Variants in LUZP2 observed in about 807,000 individuals in gnomAD.
The protein encoded by LUZP2 is leucine zipper protein 2.
In LUZP2, 52 loss-of-function variants were observed where a neutral mutation model predicts 51.6. The observed-to-expected ratio is 1.01, with a 90% CI of 0.81 to 1.27. The LOEUF is 1.27. Among genes scored for constraint, LUZP2 ranks in the 50% most tolerant of loss-of-function variants. The pLI is 0.00. For missense variants in LUZP2, 436 were observed against 395.4 expected (o/e 1.10, Z -0.87); for synonymous variants, 154 against 137.3 (o/e 1.12, Z -0.85).
chr11:24,756,300 G>A (rs1259087198), intron 4 of LUZP2, among the ~76,000 whole-genome samples: 2 of 152,112 alleles, frequency 1.3e-5, no homozygotes, highest in African/African-American at 4.8e-5. Flanking sequence ...TTACACACAT[G>A]TTCTCAGGAT....
At chr11:24,972,541 T>C (rs764190908) in intron 7 of LUZP2, among the ~76,000 whole-genome samples, 3 of 152,100 alleles carry the variant, frequency 2.0e-5, no homozygotes, top group Non-Finnish European at 4.4e-5. Flanking sequence ...CCTACCATAT[T>C]TGTTTTGCTG....
intron 5 of LUZP2, among the ~76,000 whole-genome samples, chr11:24,859,723 C>T (rs1477217544): frequency 6.6e-6 from 1 of 152,192 alleles, no homozygotes; most frequent in Non-Finnish European, 1.5e-5. Flanking sequence ...GTGCGGCAGC[C>T]CACCTGCGAG....
intron 1 of LUZP2, among the ~76,000 whole-genome samples, chr11:24,679,893 C>T (rs1856676313): frequency 1.3e-5 from 2 of 152,168 alleles, no homozygotes; most frequent in Admixed American, 1.3e-4. Context: ...TCATAATATA[C>T]ACTCACTGGA....
At chr11:25,032,390 A>G (rs934655028) in intron 9 of LUZP2, among the ~76,000 whole-genome samples, 3 of 152,158 alleles carry the variant, frequency 2.0e-5, no homozygotes, top group South Asian at 4.1e-4. Flanking sequence ...CTTAATCACT[A>G]TGAGTTTCAA....
chr11:24,604,528 T>C (rs932933606), intron 1 of LUZP2, among the ~76,000 whole-genome samples: 3 of 152,004 alleles, frequency 2.0e-5, no homozygotes, highest in African/African-American at 7.2e-5. Flanking sequence ...ATAAATTACA[T>C]GTTATTCTAT....
chr11:24,624,470 TG>T (rs1372227908), intron 1 of LUZP2, among the ~76,000 whole-genome samples: 1 of 152,114 alleles, frequency 6.6e-6, no homozygotes, highest in Non-Finnish European at 1.5e-5. Flanking sequence ...CATATTAAAT[TG>T]AAAGTCAAAG....
At chr11:24,837,585 A>G (rs1389287041) in intron 5 of LUZP2, among the ~76,000 whole-genome samples, 1 of 151,746 alleles carries the variant, frequency 6.6e-6, no homozygotes, top group East Asian at 1.9e-4. Context: ...AGGAAAAACA[A>G]TCGACCTGGA....
At chr11:24,682,489 C>A (rs1856766272) in intron 1 of LUZP2, among the ~76,000 whole-genome samples, 1 of 106,772 alleles carries the variant, frequency 9.4e-6, no homozygotes, top group Non-Finnish European at 2.0e-5. Context: ...AGCAAGACTC[C>A]ACCTTGGAAA....
intron 1 of LUZP2, among the ~76,000 whole-genome samples, chr11:24,539,106 G>T (rs1213502946): frequency 6.6e-6 from 1 of 151,748 alleles, no homozygotes; most frequent in African/African-American, 2.4e-5. Flanking sequence ...TATGTCATAT[G>T]TTCTATATAT....
chr11:24,707,744 G>T (rs1383038059), intron 1 of LUZP2, among the ~76,000 whole-genome samples: 1 of 152,056 alleles, frequency 6.6e-6, no homozygotes, highest in East Asian at 1.9e-4. Context: ...CACCAACATT[G>T]GTAAGGGTTG....
At chr11:25,011,746 A>G (rs975745366) in intron 9 of LUZP2, among the ~76,000 whole-genome samples, 1 of 152,032 alleles carries the variant, frequency 6.6e-6, no homozygotes. Flanking sequence ...GGCACATGTG[A>G]TATTTTGTTG....
intron 7 of LUZP2, among the ~76,000 whole-genome samples, chr11:24,921,712 A>T (rs759827989): frequency 6.6e-6 from 1 of 152,154 alleles, no homozygotes; most frequent in Non-Finnish European, 1.5e-5. Context: ...AGGCATTAAA[A>T]CATATACAGG....
intron 1 of LUZP2, among the ~76,000 whole-genome samples, chr11:24,703,883 T>C (rs1857492355): frequency 6.6e-6 from 1 of 151,632 alleles, no homozygotes; most frequent in African/African-American, 2.4e-5. Context: ...AACAGAATTA[T>C]TCACAAACTA....
At chr11:24,869,492 T>C (rs116589506) in intron 5 of LUZP2, among the ~76,000 whole-genome samples, 21,710 of 152,034 alleles carry the variant, frequency 0.14, 1,637 homozygotes, top group African/African-American at 0.17. Flanking sequence ...AGTCTCCCTC[T>C]GTCGCCGAGG....
intron 9 of LUZP2, among the ~76,000 whole-genome samples, chr11:25,033,080 G>A (rs552614621): frequency 3.3e-5 from 5 of 152,212 alleles, no homozygotes; most frequent in East Asian, 3.9e-4. Context: ...ACAAAACGCC[G>A]GGAACATTTG....
At chr11:24,754,904 G>A (rs2134016010) in intron 4 of LUZP2, among the ~76,000 whole-genome samples, 1 of 152,294 alleles carries the variant, frequency 6.6e-6, no homozygotes, top group Non-Finnish European at 1.5e-5. Context: ...CCAGCATTTT[G>A]CGGGGGCGAG....
At chr11:24,987,111 AT>A in intron 9 of LUZP2, among the ~76,000 whole-genome samples, 1 of 152,032 alleles carries the variant, frequency 6.6e-6, no homozygotes, top group East Asian at 1.9e-4. Flanking sequence ...CACATAAAAC[AT>A]TAGCATATGT....
intron 1 of LUZP2, among the ~76,000 whole-genome samples, chr11:24,691,975 AT>A (rs1195505124): frequency 6.6e-6 from 1 of 152,084 alleles, no homozygotes; most frequent in South Asian, 2.1e-4. Context: ...TTATGCAATT[AT>A]TTTTATATAG....
intron 9 of LUZP2, among the ~76,000 whole-genome samples, chr11:24,993,532 T>C (rs745367550): frequency 9.9e-5 from 15 of 152,180 alleles, no homozygotes; most frequent in Non-Finnish European, 2.2e-4. Flanking sequence ...TAGATAAAAC[T>C]GTATGATTAA....
Sources: gnomAD v4.1 joint callset for allele counts (sites outside exome capture counted in the v4.1 genomes callset) on GRCh38, gnomAD v4.1.1 for gene constraint, MANE v1.5 for transcripts, NCBI Gene and HGNC (gene_info 2026-07-23, HGNC 2026-07-21) for gene names.